The following GRM7 variants were observed in gnomAD, a reference collection of about 807,000 sequenced individuals.
GRM7 encodes the protein metabotropic glutamate receptor 7.
Under a neutral mutation model 84.5 loss-of-function variants are expected in GRM7, and 35 were observed. The observed-to-expected ratio is 0.41, with a 90% CI of 0.32 to 0.55. The LOEUF (loss-of-function observed/expected upper bound fraction) is 0.55, where lower values mean the gene tolerates loss of function less well. Ranked by LOEUF, GRM7 falls within the 20% of genes least tolerant of loss-of-function variation. The probability of loss-of-function intolerance (pLI) is 0.19; values close to 1 mark genes in which losing one functional copy is unlikely to be tolerated. For missense variants in GRM7, 1,003 were observed against 1,194.6 expected (o/e 0.84, Z 2.36); for synonymous variants, 487 against 455.1 (o/e 1.07, Z -0.89).
intron 1 of GRM7, among the ~76,000 whole-genome samples, chr3:6,931,891 T>A (rs1575030364): frequency 6.6e-6 from 1 of 152,194 alleles, no homozygotes; most frequent in Non-Finnish European, 1.5e-5. Flanking sequence ...GGTTCCTGAC[T>A]TCCTACATCT....
At chr3:7,011,452 T>A (rs992824) in intron 1 of GRM7, among the ~76,000 whole-genome samples, 1,695 of 152,334 alleles carry the variant, frequency 0.011, 32 homozygotes, top group African/African-American at 0.039. Context: ...TAATTTTAAA[T>A]GAGCATTTTA....
At chr3:7,391,601 C>T (rs760109857) in intron 4 of GRM7, among the ~76,000 whole-genome samples, 1 of 151,898 alleles carries the variant, frequency 6.6e-6, no homozygotes. Flanking sequence ...GGAGATATAC[C>T]TAATGTAAAT....
At chr3:7,546,943 T>C (rs1037258167) in intron 7 of GRM7, among the ~76,000 whole-genome samples, 7 of 152,216 alleles carry the variant, frequency 4.6e-5, no homozygotes, top group Admixed American at 4.6e-4. Context: ...AGTTATACTC[T>C]ATTTAGTAAA....
At chr3:7,586,086 A>G (rs1243656677) in intron 8 of GRM7, among the ~76,000 whole-genome samples, 3 of 152,152 alleles carry the variant, frequency 2.0e-5, no homozygotes, top group Non-Finnish European at 4.4e-5. Context: ...CACTTCTTTC[A>G]TCTTCACCAT....
In GRM7 at chr3:6,872,037, G is replaced by A. The variant is rs140030326; in HGVS notation, c.519+10130G>A. ...CTGTATAGAAATCAAGAAAAAACAGGCAAGTAAATGAATGACAGGCATGAG... is the reference window on the plus strand; with the variant it reads ...CTGTATAGAAATCAAGAAAAAACAGACAAGTAAATGAATGACAGGCATGAG... On this transcript the variant is annotated intron_variant, in intron 1 of 9. Coordinates refer to ENST00000357716, the MANE Select transcript of GRM7 (RefSeq NM_000844.4). 8.1e-3 allele frequency among the ~76,000 whole-genome samples: 1,238 copies of A among 152,136 alleles called. 8 individuals are homozygous for A. The highest frequency in any genetic ancestry group is 0.012 in the Non-Finnish European group (829 of 68,008).
intron 2 of GRM7, among the ~76,000 whole-genome samples, chr3:7,283,864 G>A (rs774910544): frequency 1.2e-4 from 18 of 152,114 alleles, no homozygotes; most frequent in Non-Finnish European, 7.4e-5. Flanking sequence ...TTTCTGGCCC[G>A]ACATTTTATT....
chr3:7,486,519 T>C lies in GRM7; in HGVS notation c.1515+24797T>C, dbSNP rs1277289182. Among the ~76,000 whole-genome samples the C allele has an allele frequency of 6.6e-6, 1 of 152,092 alleles. No homozygotes were observed. Among genetic ancestry groups the C allele is most frequent in the Non-Finnish European group, 1.5e-5 (1 of 68,022 alleles). On this transcript the variant is annotated intron_variant, in intron 7 of 9. Transcript: ENST00000357716. This position sits in a 1 kb window ranked among gnomAD's most constrained non-coding sequence, Gnocchi z 5.5. ...CTGGGAGAGTGAGTGAGTTTTTGCT[T>C]TCCTGGACTGGATTATTTGCCAGAA...
intron 5 of GRM7, among the ~76,000 whole-genome samples, chr3:7,415,414 A>G (rs980998970): frequency 1.3e-5 from 2 of 152,144 alleles, no homozygotes; most frequent in Non-Finnish European, 2.9e-5. Context: ...AGAAGGGGTC[A>G]TGTTGCTTTG....
chr3:7,589,514 G>C (rs1695680751), intron 8 of GRM7, among the ~76,000 whole-genome samples: 1 of 152,188 alleles, frequency 6.6e-6, no homozygotes, highest in Non-Finnish European at 1.5e-5. Flanking sequence ...TATGGCAACA[G>C]TGAATAAACA....
At chr3:6,940,758 A>G (rs1243990144) in intron 1 of GRM7, among the ~76,000 whole-genome samples, 5 of 152,318 alleles carry the variant, frequency 3.3e-5, no homozygotes, top group African/African-American at 1.2e-4. Context: ...CCCATTTTCT[A>G]TGTAGCTTGG....
intron 5 of GRM7, among the ~76,000 whole-genome samples, chr3:7,438,042 A>AGATTACAC (rs1420151417): frequency 6.6e-6 from 1 of 152,120 alleles, no homozygotes; most frequent in Non-Finnish European, 1.5e-5. Flanking sequence ...GAAGGGAGTC[A>AGATTACAC]GATTACACTG....
intron 1 of GRM7, among the ~76,000 whole-genome samples, chr3:6,967,420 C>T (rs1204104016): frequency 6.6e-6 from 1 of 152,098 alleles, no homozygotes; most frequent in African/African-American, 2.4e-5. Flanking sequence ...ATCTCCAACT[C>T]CTGGGCTCAA....
chr3:7,631,278 A>G (rs1697848574), intron 8 of GRM7, among the ~76,000 whole-genome samples: 1 of 152,138 alleles, frequency 6.6e-6, no homozygotes, highest in African/African-American at 2.4e-5. Flanking sequence ...TAAAAGATAA[A>G]GATTCCAACA....
intron 7 of GRM7, among the ~76,000 whole-genome samples, chr3:7,550,547 TTCTCTC>T (rs113713129): frequency 0.04 from 4,102 of 103,006 alleles, 248 homozygotes; most frequent in African/African-American, 0.14. Context: ...CTCCCTTTTC[TTCTCTC>T]TCTCTCTCTC....
intron 1 of GRM7, among the ~76,000 whole-genome samples, chr3:6,974,459 G>C (rs1693907865): frequency 6.6e-6 from 1 of 152,184 alleles, no homozygotes; most frequent in Non-Finnish European, 1.5e-5. Context: ...TATCAAGGGA[G>C]TGAGTCTGGG....
intron 1 of GRM7, among the ~76,000 whole-genome samples, chr3:7,084,948 A>C (rs1330159209): frequency 1.3e-5 from 2 of 152,154 alleles, no homozygotes; most frequent in Non-Finnish European, 2.9e-5. Context: ...TTAAATGACT[A>C]AGTGTATTTT....
chr3:7,463,290 C>G (rs569646895), intron 7 of GRM7, among the ~76,000 whole-genome samples: 19 of 152,294 alleles, frequency 1.2e-4, no homozygotes, highest in African/African-American at 4.3e-4. Flanking sequence ...TAGCATTCAC[C>G]AACTTCAGAT....
chr3:7,045,757 G>A (rs1442336394), intron 1 of GRM7, among the ~76,000 whole-genome samples: 2 of 152,032 alleles, frequency 1.3e-5, no homozygotes, highest in African/African-American at 4.8e-5. Context: ...ATTTGTGTAT[G>A]TCATATTTTC....
At chr3:7,399,403 A>G (rs1194333797) in intron 4 of GRM7, among the ~76,000 whole-genome samples, 1 of 152,136 alleles carries the variant, frequency 6.6e-6, no homozygotes, top group African/African-American at 2.4e-5. Flanking sequence ...AGGGCCTCAC[A>G]GCAGAACCAT....
Sources: gnomAD v4.1 joint callset for allele counts (sites outside exome capture counted in the v4.1 genomes callset) on GRCh38, gnomAD v4.1.1 for gene constraint, Gnocchi (gnomAD v3.1) non-coding constraint, MANE v1.5 for transcripts, NCBI Gene and HGNC (gene_info 2026-07-23, HGNC 2026-07-21) for gene names.